HEATR6: variants seen among roughly 807,000 people sequenced by gnomAD.
The protein encoded by HEATR6 is HEAT repeat containing 6.
Under a neutral mutation model 132.8 loss-of-function variants are expected in HEATR6, and 106 were observed. The observed-to-expected ratio is 0.80, with a 90% CI of 0.68 to 0.94. The LOEUF (loss-of-function observed/expected upper bound fraction) is 0.94. HEATR6 is among the 40% of genes least tolerant of loss of function. The pLI, the probability that HEATR6 is intolerant of heterozygous loss-of-function variation, is 0.00. For missense variants in HEATR6, 1,339 were observed against 1,425.1 expected (o/e 0.94, Z 0.97); for synonymous variants, 529 against 537.8 (o/e 0.98, Z 0.23).
In HEATR6 at chr17:60,048,193, A is replaced by T. The variant is rs1252815442; in HGVS notation, c.2672+71T>A. 1.6e-5 allele frequency: 24 copies of T among 1,511,192 alleles called. No homozygotes were observed. The Admixed American group carries it at 4.5e-4, about 28-fold the overall frequency. 93.6% of individuals were successfully genotyped at this position (1,511,192 alleles called of 1,614,324 possible). On this transcript the variant is annotated intron_variant, in intron 17 of 19. Transcript: ENST00000184956. Reference sequence around the variant, plus strand: ...GAACTACTGCTGATTCTTTCATGGTAGAGATCGAGGACATTCTCTTGGGCC... The same window carrying T: ...GAACTACTGCTGATTCTTTCATGGTTGAGATCGAGGACATTCTCTTGGGCC...
intron 9 of HEATR6, among the ~76,000 whole-genome samples, chr17:60,062,221 A>T (rs1245901008): frequency 6.6e-6 from 1 of 152,224 alleles, no homozygotes; most frequent in African/African-American, 2.4e-5. Flanking sequence ...AATATTTAAT[A>T]TCTGGTTTAC....
intron 4 of HEATR6, 83 bp from the exon 5 acceptor site, chr17:60,072,412 T>G: frequency 1.5e-6 from 1 of 677,054 alleles, no homozygotes; most frequent in South Asian, 2.2e-5. Flanking sequence ...ATAGCAGTAA[T>G]ATAGACTATT....
In HEATR6 at chr17:60,043,263, A is replaced by T. The variant is rs1233013208; in HGVS notation, c.*300T>A. On this transcript the variant is annotated 3_prime_UTR_variant, in exon 20 of 20. Coordinates refer to ENST00000184956, the MANE Select transcript of HEATR6 (RefSeq NM_022070.5). ...AATTCTAATTCCGAAATCCTTCTAC[A>T]TTTTTTTTTTCTGAGACTAAATGCC... The T allele has an allele frequency of 3.4e-5, 11 of 322,276 alleles. No homozygotes were observed. The highest frequency in any genetic ancestry group is 2.4e-4 in the African/African-American group (11 of 45,650). The allele number at this position is 322,276 out of a possible 1,614,324, so 20.0% of individuals were successfully genotyped here.
chr17:60,054,265 A>C (rs1906671317), intron 14 of HEATR6, among the ~76,000 whole-genome samples: 1 of 152,254 alleles, frequency 6.6e-6, no homozygotes, highest in African/African-American at 2.4e-5. Context: ...GATGCACAGA[A>C]TTCAAATGCG....
At chr17:60,049,004 A>AT (rs926852749) in intron 16 of HEATR6, among the ~76,000 whole-genome samples, 1 of 132,774 alleles carries the variant, frequency 7.5e-6, no homozygotes, top group African/African-American at 2.9e-5. Flanking sequence ...ATATATATAT[A>AT]TATATATATA....
intron 7 of HEATR6, among the ~76,000 whole-genome samples, chr17:60,067,933 T>C (rs935629834): frequency 3.9e-5 from 6 of 152,212 alleles, no homozygotes; most frequent in Non-Finnish European, 7.3e-5. Context: ...CTGTCTACTA[T>C]AAGAAAGAAG....
intron 16 of HEATR6, 54 bp downstream of exon 16, chr17:60,049,526 G>T: frequency 1.9e-6 from 3 of 1,602,150 alleles, no homozygotes; most frequent in Non-Finnish European, 2.6e-6. Flanking sequence ...CACAAAATAG[G>T]GGTGTCATGG....
At chr17:60,063,398 G>C (rs1276107724) in intron 9 of HEATR6, 1 of 152,058 alleles carries the variant, frequency 6.6e-6, no homozygotes, top group Non-Finnish European at 1.5e-5. Flanking sequence ...TAACACCTAA[G>C]GAAATCATAT....
intron 9 of HEATR6, among the ~76,000 whole-genome samples, chr17:60,061,215 C>A (rs1365998205): frequency 5.3e-5 from 8 of 152,096 alleles, no homozygotes; most frequent in African/African-American, 1.9e-4. Flanking sequence ...GAGTTTGGAG[C>A]AAAAAAGGTT....
At chr17:60,050,791 A>G (rs1906552539) in intron 15 of HEATR6, 52 bp downstream of exon 15, 4 of 1,602,602 alleles carry the variant, frequency 2.5e-6, no homozygotes, top group Non-Finnish European at 3.4e-6. Context: ...ATCAAATTCT[A>G]GCTCTGGTGC....
In HEATR6 at chr17:60,066,236, A is replaced by G; in HGVS notation, c.1389T>C (p.Thr463=). 6.2e-7 allele frequency: 1 copy of G among 1,613,926 alleles called. No individual in the cohort carries two copies. Among genetic ancestry groups the G allele is most frequent in the Non-Finnish European group, 8.5e-7 (1 of 1,179,912 alleles). Residue 463 remains threonine (T), a synonymous_variant, in exon 9 of 20, where the codon ACT becomes ACC. Transcript: ENST00000184956. Reference sequence around the variant, plus strand: ...TTGGAGAAGGGTCTTTCAATGTAAGAGTCATCAAGGACACTGACTGTGGGC... The same window carrying G: ...TTGGAGAAGGGTCTTTCAATGTAAGGGTCATCAAGGACACTGACTGTGGGC... ...LGSPQSVSLM[T]LTLKDPSPKT...
At position 60,066,367 on chromosome 17, in the gene HEATR6, G is replaced by C; in HGVS notation, c.1258C>G (p.Arg420Gly). 1 of 1,609,854 alleles carries C rather than the reference G, an allele frequency of 6.2e-7. No individual in the cohort carries two copies. Among genetic ancestry groups the C allele is most frequent in the Non-Finnish European group, 8.5e-7 (1 of 1,178,596 alleles). Reference protein sequence around the residue: ...SKMRSYQAKVRQGALVCFLST... With the variant: ...SKMRSYQAKVGQGALVCFLST... ...AGAAAACAAACTAAGGCTCCTTGGC[G>C]AACTTTAGCTTGGTAAGACCTTTCA... is the stretch of plus-strand genomic sequence containing the variant. The change falls in exon 9 of 20, where the codon CGC becomes GGC. Residue 420 changes from arginine (R) to glycine (G), a missense_variant. Transcript: ENST00000184956.
chr17:60,043,899 G>A lies in HEATR6; in HGVS notation c.3210C>T (p.Thr1070=), dbSNP rs376771819. The A allele has an allele frequency of 1.2e-6, 2 of 1,614,012 alleles. No homozygotes were observed. The highest frequency in any genetic ancestry group is 2.7e-5 in the African/African-American group (2 of 74,914). The part of the protein sequence containing the change: ...LEFKYCVSLR[T]QICQALIHLL... ...GGTGAATCAGTGCCTGGCAGATTTG[G>A]GTCCGTAGGCTGACACAGTACTTGA... Residue 1070 remains threonine, a synonymous_variant, in exon 20 of 20, where the codon ACC becomes ACT. Transcript: ENST00000184956.
At chr17:60,052,855 C>T (rs191374093) in intron 14 of HEATR6, among the ~76,000 whole-genome samples, 10 of 152,080 alleles carry the variant, frequency 6.6e-5, no homozygotes, top group African/African-American at 1.9e-4. Context: ...TGGTGAGGGG[C>T]GGCGGGGACA....
At chr17:60,059,738 C>T (rs1194630564) in intron 10 of HEATR6, 152 bp downstream of exon 10, 1 of 689,540 alleles carries the variant, frequency 1.5e-6, no homozygotes, top group Admixed American at 2.4e-5. Flanking sequence ...TAGATAAGAT[C>T]AGACGAGTAG....
At position 60,043,377 on chromosome 17, in the gene HEATR6, G is replaced by A. The variant is rs1598901979; in HGVS notation, c.*186C>T. The A allele has an allele frequency of 1.7e-6, 1 of 590,664 alleles. No homozygotes were observed. The allele number at this position is 590,664 out of a possible 1,614,324, so 36.6% of individuals were successfully genotyped here. On this transcript the variant is annotated 3_prime_UTR_variant, in exon 20 of 20. Coordinates refer to ENST00000184956, the MANE Select transcript of HEATR6 (RefSeq NM_022070.5). ...AGATGTTCCAACAACCCTGACCATG[G>A]CCAGTGCTATGGAGTCACTCCAAAG... is the stretch of plus-strand genomic sequence containing the variant.
chr17:60,067,754 G>A, intron 7 of HEATR6, 22 bp from the exon 8 acceptor site: 1 of 1,588,396 alleles, frequency 6.3e-7, no homozygotes, highest in Non-Finnish European at 8.6e-7. Context: ...AGCAAATGAA[G>A]ACATATATAA....
intron 7 of HEATR6, among the ~76,000 whole-genome samples, chr17:60,069,193 G>C (rs1260708423): frequency 1.3e-5 from 2 of 152,242 alleles, no homozygotes; most frequent in Non-Finnish European, 1.5e-5. Flanking sequence ...GCGCTGACTG[G>C]TAGGTGGGCT....
In HEATR6 at chr17:60,042,003, AATATAT is replaced by A. The variant is rs1215354256; in HGVS notation, c.*1554_*1559del. ...GCTCAGTAGAAAAATGCAAAATTTA[AATATAT>A]ATATTCAGTAGAAGTTACCTTCATA... On this transcript the variant is annotated 3_prime_UTR_variant, in exon 20 of 20. Transcript: ENST00000184956. 1.3e-5 allele frequency among the ~76,000 whole-genome samples: 2 copies of A among 152,298 alleles called. No homozygotes were observed. Among genetic ancestry groups the A allele is most frequent in the African/African-American group, 4.8e-5 (2 of 41,550 alleles).
Sources: gnomAD v4.1 joint callset for allele counts (sites outside exome capture counted in the v4.1 genomes callset) on GRCh38, gnomAD v4.1.1 for gene constraint, MANE v1.5 for transcripts, NCBI Gene and HGNC (gene_info 2026-07-23, HGNC 2026-07-21) for gene names.